The following MRPL49 variants were observed in gnomAD, a reference collection of about 807,000 sequenced individuals.
MRPL49 encodes the protein large ribosomal subunit protein mL49.
In MRPL49, 14 loss-of-function variants were observed where a neutral mutation model predicts 18.4. The ratio of observed to expected loss-of-function variants is 0.76; its 90% CI spans 0.50 to 1.19. The LOEUF (loss-of-function observed/expected upper bound fraction) is 1.19, where lower values mean the gene tolerates loss of function less well. MRPL49 is among the 50% of genes most tolerant of loss of function. The pLI, the probability that MRPL49 is intolerant of heterozygous loss-of-function variation, is 0.00. For synonymous variants in MRPL49, 104 were observed against 86.2 expected, an observed-to-expected ratio of 1.21 and a Z score of -1.14; for missense variants, 190 against 217.8, an observed-to-expected ratio of 0.87 and a Z score of 0.80.
Position 65,125,600 on chromosome 11 carries a change from A to T in MRPL49, c.342A>T (p.Glu114Asp). Residue 114 changes from glutamate to aspartate, a missense_variant, in exon 3 of 4, where the codon GAA becomes GAT. Physicochemically the swap from Glu to Asp is conservative, Grantham distance 45 (BLOSUM62 2). Transcript: ENST00000279242. ...AGATGACTGTGATCCGGAAAGTGGA[A>T]GGGGACATCTGGGTAAGTGGGTGGG... Reference protein sequence around the residue: ...NRQMTVIRKVEGDIWALQKDV... With the variant: ...NRQMTVIRKVDGDIWALQKDV... The T allele has an allele frequency of 9.2e-7, 1 of 1,086,290 alleles. No individual in the cohort carries two copies. The allele number at this position is 1,086,290 out of a possible 1,614,324, so 67.3% of individuals were successfully genotyped here.
At chr11:65,122,481 A>G (rs745682529) in intron 1 of MRPL49, 57 bp downstream of exon 1, 127 of 1,527,114 alleles carry the variant, frequency 8.3e-5, no homozygotes, top group Admixed American at 2.9e-4. Flanking sequence ...CTCAGTGTTA[A>G]TCATTGTTAA....
At position 65,127,077 on chromosome 11, in the gene MRPL49, G is replaced by A. The variant is rs1217035344; in HGVS notation, c.*1205G>A. 1 of 702,144 alleles carries A rather than the reference G, an allele frequency of 1.4e-6. No individual in the cohort carries two copies. Among genetic ancestry groups the A allele is most frequent in the East Asian group, 2.7e-5 (1 of 37,240 alleles). The allele number at this position is 702,144 out of a possible 1,614,324, so 43.5% of individuals were successfully genotyped here. ...CCAACTTGGTCTCTGCCCTGAAGCA[G>A]GGCACTGAACTCTGGGCTGCTTCTC... On this transcript the variant is annotated 3_prime_UTR_variant, in exon 4 of 4. Transcript: ENST00000279242.
At chr11:65,123,997 C>T (rs1948077833) in intron 1 of MRPL49, among the ~76,000 whole-genome samples, 2 of 152,102 alleles carry the variant, frequency 1.3e-5, no homozygotes, top group African/African-American at 4.8e-5. Flanking sequence ...AAGCAATTCT[C>T]CTGCCTCAGC....
At chr11:65,124,934 C>G (rs1281798199) in intron 2 of MRPL49, 2 of 359,666 alleles carry the variant, frequency 5.6e-6, no homozygotes, top group Non-Finnish European at 1.0e-5. Context: ...TTCTTTCCCC[C>G]CAGCAGACTA....
intron 1 of MRPL49, 32 bp downstream of exon 1, chr11:65,122,456 C>G: frequency 6.3e-7 from 1 of 1,593,238 alleles, no homozygotes; most frequent in Non-Finnish European, 8.6e-7. Flanking sequence ...CTGAGGGCAT[C>G]GCGTGGGTGT....
intron 2 of MRPL49, chr11:65,124,950 T>C (rs1948086374): frequency 2.9e-6 from 1 of 342,814 alleles, no homozygotes; most frequent in Admixed American, 4.4e-5. Flanking sequence ...GACTATGTAC[T>C]GTAATTAAGA....
At chr11:65,124,769 A>C (rs1316818381) in intron 2 of MRPL49, 117 bp downstream of exon 2, 6 of 1,177,474 alleles carry the variant, frequency 5.1e-6, no homozygotes, top group Admixed American at 2.7e-5. Flanking sequence ...TCATTTTGCA[A>C]TCCCTCTGGG....
chr11:65,123,866 A>G (rs1445599782), intron 1 of MRPL49, among the ~76,000 whole-genome samples: 1 of 152,218 alleles, frequency 6.6e-6, no homozygotes, highest in African/African-American at 2.4e-5. Context: ...GTTGTTGGAC[A>G]GATGGCCATG....
At chr11:65,125,416 G>T in intron 2 of MRPL49, 72 bp from the exon 3 acceptor site, 1 of 1,600,208 alleles carries the variant, frequency 6.2e-7, no homozygotes. Flanking sequence ...TGCAGACTGA[G>T]AGCAAGGGCC....
rs923374969 is a variant in MRPL49, at chr11:65,122,338, C to T, written c.-9C>T. ...TTGCGCGCACAGAAGGCTGGCGTAGCAGGTAAAGATGGCAGCTACCATGTT... is the reference window on the plus strand; with the variant it reads ...TTGCGCGCACAGAAGGCTGGCGTAGTAGGTAAAGATGGCAGCTACCATGTT... On this transcript the variant is annotated 5_prime_UTR_variant, in exon 1 of 4. Coordinates refer to ENST00000279242, the MANE Select transcript of MRPL49 (RefSeq NM_004927.4). 2 of 1,611,472 alleles carry T rather than the reference C, an allele frequency of 1.2e-6. No individual in the cohort carries two copies. Among genetic ancestry groups the T allele is most frequent in the Admixed American group, 1.7e-5 (1 of 59,814 alleles).
In MRPL49 at chr11:65,126,682, T is replaced by G. The variant is rs549793772; in HGVS notation, c.*810T>G. 1.6e-5 allele frequency: 5 copies of G among 322,144 alleles called. No homozygotes were observed. The highest frequency in any genetic ancestry group is 1.1e-4 in the African/African-American group (5 of 47,234). 20.0% of individuals were successfully genotyped at this position (322,144 alleles called of 1,614,324 possible). ...GACTCGGGCATGGGTCTTGGAGATC[T>G]TCTGTTCAAAGTACAGTGCTGGCAC... On this transcript the variant is annotated 3_prime_UTR_variant, in exon 4 of 4. Coordinates refer to ENST00000279242, the MANE Select transcript of MRPL49 (RefSeq NM_004927.4).
At position 65,126,763 on chromosome 11, in the gene MRPL49, G is replaced by A. The variant is rs980841358; in HGVS notation, c.*891G>A. Reference sequence around the variant, plus strand: ...GCTCTGATAGAGAGGTAGGAGGCACGTTCTTGGTCACTGTTCCATTGCAGA... The same window carrying A: ...GCTCTGATAGAGAGGTAGGAGGCACATTCTTGGTCACTGTTCCATTGCAGA... On this transcript the variant is annotated 3_prime_UTR_variant, in exon 4 of 4. Transcript: ENST00000279242. The A allele has an allele frequency of 1.4e-5, 7 of 507,796 alleles. No homozygotes were observed. Among genetic ancestry groups the A allele is most frequent in the East Asian group, 6.6e-5 (2 of 30,464 alleles). 31.5% of individuals were successfully genotyped at this position (507,796 alleles called of 1,614,324 possible).
In MRPL49 at chr11:65,127,239, G is replaced by A. The variant is rs1339732497; in HGVS notation, c.*1367G>A. 5 of 518,976 alleles carry A rather than the reference G, an allele frequency of 9.6e-6. No homozygotes were observed. The highest frequency in any genetic ancestry group is 3.8e-5 in the Admixed American group (1 of 26,606). 32.1% of individuals were successfully genotyped at this position (518,976 alleles called of 1,614,324 possible). A position where few individuals can be genotyped will look rare whatever the true frequency, so the allele number is the denominator to read the frequency against. ...AGTGTACAGCCACAGCAAGGAGCCC[G>A]ACACTGATTTGATCGATTCTGTGAC... On this transcript the variant is annotated 3_prime_UTR_variant, in exon 4 of 4. Coordinates refer to ENST00000279242, the MANE Select transcript of MRPL49 (RefSeq NM_004927.4).
Position 65,124,590 on chromosome 11 carries a change from G to T in MRPL49, c.167G>T (p.Arg56Met). The T allele has an allele frequency of 6.2e-7, 1 of 1,614,194 alleles. No homozygotes were observed. The highest frequency in any genetic ancestry group is 1.3e-5 in the African/African-American group (1 of 75,030). ...QFVERLLPAT[R>M]IPDPPKHEHY... ...GTGGAGCGCCTGTTACCGGCTACCA[G>T]GATCCCAGATCCCCCAAAGCATGAA... Residue 56 changes from arginine to methionine, a missense_variant, in exon 2 of 4, where the codon AGG (arginine) becomes ATG (methionine). By Grantham distance (91) the Arg-to-Met change is moderately conservative (BLOSUM62 -1). Coordinates refer to ENST00000279242, the MANE Select transcript of MRPL49 (RefSeq NM_004927.4).
chr11:65,124,423 T>G, intron 1 of MRPL49, 79 bp from the exon 2 acceptor site: 2 of 1,369,824 alleles, frequency 1.5e-6, no homozygotes. Context: ...CTGTAATGTT[T>G]CCATTCTCTA....
intron 2 of MRPL49, chr11:65,125,045 C>T (rs991115989): frequency 7.6e-6 from 2 of 261,548 alleles, no homozygotes; most frequent in Non-Finnish European, 1.5e-5. Flanking sequence ...CTTAGCTTGA[C>T]CCAACCTGTT....
In MRPL49 at chr11:65,125,720, C is replaced by T. The variant is rs779470538; in HGVS notation, c.355-6C>T. The T allele has an allele frequency of 1.9e-6, 3 of 1,613,664 alleles. No homozygotes were observed. In the South Asian group the frequency reaches 3.3e-5, roughly 18 times the overall value. ...TGGCCTGACCTGATTTGTCATCTTTCCCCAGGCCCTGCAGAAAGACGTGGA... is the reference window on the plus strand; with the variant it reads ...TGGCCTGACCTGATTTGTCATCTTTTCCCAGGCCCTGCAGAAAGACGTGGA... On this transcript the variant is annotated splice_region_variant and splice_polypyrimidine_tract_variant and intron_variant, in intron 3 of 3. Coordinates refer to ENST00000279242, the MANE Select transcript of MRPL49 (RefSeq NM_004927.4).
At chr11:65,122,507 C>G (rs1159460097) in intron 1 of MRPL49, 83 bp downstream of exon 1, 2 of 1,340,562 alleles carry the variant, frequency 1.5e-6, no homozygotes, top group Admixed American at 4.2e-5. Context: ...AAAACTAAGG[C>G]ATTCCTACTT....
At chr11:65,125,363 A>G (rs938390525) in intron 2 of MRPL49, 125 bp from the exon 3 acceptor site, 6 of 1,266,678 alleles carry the variant, frequency 4.7e-6, no homozygotes, top group African/African-American at 4.5e-5. Context: ...CCCCTGACCT[A>G]AAGTCTGGAG....
Sources: gnomAD v4.1 joint callset for allele counts (sites outside exome capture counted in the v4.1 genomes callset) on GRCh38, gnomAD v4.1.1 for gene constraint, MANE v1.5 for transcripts, NCBI Gene and HGNC (gene_info 2026-07-23, HGNC 2026-07-21) for gene names.